The following TTC39B variants were observed in gnomAD, a reference collection of about 807,000 sequenced individuals.
TTC39B encodes tetratricopeptide repeat domain 39B, also known as tetratricopeptide repeat protein 39B.
Under a neutral mutation model 96.6 loss-of-function variants are expected in TTC39B, and 92 were observed. The ratio of observed to expected loss-of-function variants is 0.95; its 90% CI spans 0.80 to 1.13. The LOEUF is 1.13. Ranked by LOEUF, TTC39B falls within the 50% of genes most tolerant of loss-of-function variation. TTC39B has a pLI of 0.00. For missense variants in TTC39B, 955 were observed against 809.3 expected (o/e 1.18, Z -2.18); for synonymous variants, 367 against 299.4 (o/e 1.23, Z -2.33).
chr9:15,192,913 C>T (rs759070412), intron 8 of TTC39B, among the ~76,000 whole-genome samples: 3 of 152,108 alleles, frequency 2.0e-5, no homozygotes, highest in Non-Finnish European at 1.5e-5. Context: ...TCTAGCAGGA[C>T]CAGTGTTTCT....
chr9:15,225,894 G>C, intron 3 of TTC39B, 23 bp downstream of exon 3: 1 of 1,606,650 alleles, frequency 6.2e-7, no homozygotes, highest in South Asian at 1.1e-5. Context: ...CTTCCCCCAG[G>C]AATGCCCACA....
chr9:15,194,266 C>T (rs921183769), intron 8 of TTC39B, among the ~76,000 whole-genome samples: 6 of 152,022 alleles, frequency 3.9e-5, no homozygotes, highest in African/African-American at 1.2e-4. Context: ...ATGTTTCCTG[C>T]TAGAATTCTT....
intron 2 of TTC39B, chr9:15,232,178 T>A (rs1025415033): frequency 6.6e-6 from 1 of 152,642 alleles, no homozygotes; most frequent in Admixed American, 6.5e-5. Context: ...ATCAAGTATA[T>A]ACCCATCTGC....
chr9:15,228,677 C>T (rs1247873948), intron 2 of TTC39B, among the ~76,000 whole-genome samples: 1 of 152,052 alleles, frequency 6.6e-6, no homozygotes, highest in Non-Finnish European at 1.5e-5. Flanking sequence ...ATAAGTTTCC[C>T]CCTCCCACTC....
In TTC39B at chr9:15,193,290, G is replaced by A. The variant is rs567587994; in HGVS notation, c.825-595C>T. The stretch of plus-strand genomic sequence containing the variant: ...CTTTCTATGTATTTCTCTCTTGCCT[G>A]TTCACATCATCTTCAAAAGGCAAAT... On this transcript the variant is annotated intron_variant, in intron 8 of 19. Coordinates refer to ENST00000512701, the Ensembl canonical transcript of TTC39B. Among the ~76,000 whole-genome samples the A allele has an allele frequency of 2.0e-5, 3 of 152,210 alleles. No homozygotes were observed. The South Asian group carries it at 6.2e-4, about 32-fold the overall frequency.
chr9:15,259,968 C>A (rs904275764), intron 2 of TTC39B, among the ~76,000 whole-genome samples: 1 of 152,128 alleles, frequency 6.6e-6, no homozygotes, highest in African/African-American at 2.4e-5. Flanking sequence ...TAAAAAGGCA[C>A]AGATTTCTTT....
At chr9:15,189,904 A>G in intron 11 of TTC39B, 112 bp from the exon 12 acceptor site, 1 of 710,034 alleles carries the variant, frequency 1.4e-6, no homozygotes, top group South Asian at 1.7e-5. Flanking sequence ...AAAAGATGAA[A>G]ACTATTATTT....
intron 9 of TTC39B, 116 bp downstream of exon 9, chr9:15,192,474 G>C: frequency 2.7e-6 from 2 of 742,616 alleles, no homozygotes; most frequent in African/African-American, 1.8e-5. Flanking sequence ...CACTCTAGCT[G>C]TTTGTCAACC....
At chr9:15,181,101 C>T (rs1044273061) in intron 17 of TTC39B, among the ~76,000 whole-genome samples, 2 of 152,132 alleles carry the variant, frequency 1.3e-5, no homozygotes, top group South Asian at 2.1e-4. Flanking sequence ...TATTTCCCCT[C>T]GAATTTTGCC....
rs866033227 is a variant in TTC39B at position 15,297,534 on chromosome 9, C to G, written c.240+9550G>C. 2.6e-5 allele frequency among the ~76,000 whole-genome samples: 4 copies of G among 152,136 alleles called. No individual in the cohort carries two copies. In the South Asian group the frequency reaches 6.2e-4, roughly 24 times the overall value. On this transcript the variant is annotated intron_variant, in intron 1 of 19. Transcript: ENST00000512701. ...GGAGCACAGGACACTTGAACCCTCT[C>G]TAGACTCTACCCTGCACTCCAGGTT...
exon 20 of TTC39B, chr9:15,167,174 C>G (rs1002217085): frequency 2.2e-5 from 3 of 136,446 alleles, no homozygotes; most frequent in African/African-American, 8.1e-5. Flanking sequence ...GTAGCTAGGA[C>G]TACAAGTGCA....
At chr9:15,194,477 G>GCA (rs146452526) in intron 8 of TTC39B, among the ~76,000 whole-genome samples, 2 of 151,928 alleles carry the variant, frequency 1.3e-5, no homozygotes, top group African/African-American at 4.8e-5. Flanking sequence ...CCATGTGTGT[G>GCA]CACACACACA....
chr9:15,172,026 G>A, exon 20 of TTC39B: 3 of 1,611,882 alleles, frequency 1.9e-6, no homozygotes, highest in South Asian at 1.1e-5. Flanking sequence ...TGATCAATCT[G>A]AGGAAGGTTT....
Position 15,204,978 on chromosome 9 carries a change from T to C in TTC39B, c.692-1088A>G, listed in dbSNP as rs553043311. Among the ~76,000 whole-genome samples, 8 of 152,342 alleles carry C rather than the reference T, an allele frequency of 5.3e-5. No individual in the cohort carries two copies. The East Asian group carries it at 1.5e-3, about 29-fold the overall frequency. On this transcript the variant is annotated intron_variant, in intron 6 of 19. Coordinates refer to ENST00000512701, the Ensembl canonical transcript of TTC39B. ...TACACAAGTCAGCAGATTCTTGCTC[T>C]ATCCATGGGATGCAAAGTGGCATGA...
chr9:15,250,247 T>C (rs1242310530), intron 2 of TTC39B: 2 of 1,093,442 alleles, frequency 1.8e-6, no homozygotes, highest in East Asian at 7.6e-5. Context: ...AGATTTTTTT[T>C]CCCCCAATCT....
intron 7 of TTC39B, among the ~76,000 whole-genome samples, chr9:15,200,840 A>T (rs548342528): frequency 1.3e-5 from 2 of 152,314 alleles, no homozygotes; most frequent in African/African-American, 4.8e-5. Context: ...CTCTACTAAA[A>T]ATTCAGAAAG....
chr9:15,278,523 C>G (rs986267423), intron 1 of TTC39B, among the ~76,000 whole-genome samples: 3 of 152,234 alleles, frequency 2.0e-5, no homozygotes, highest in Non-Finnish European at 4.4e-5. Context: ...AGTGCCAACT[C>G]TATCCAATCT....
intron 1 of TTC39B, among the ~76,000 whole-genome samples, chr9:15,279,834 G>A (rs113339424): frequency 0.044 from 6,621 of 151,752 alleles, 175 homozygotes; most frequent in South Asian, 0.074. Flanking sequence ...CTACAAACAG[G>A]GCCAAATTCC....
chr9:15,272,227 C>T lies in TTC39B; in HGVS notation c.241-4279G>A, dbSNP rs574124584. On this transcript the variant is annotated intron_variant, in intron 1 of 19. Coordinates refer to ENST00000512701, the Ensembl canonical transcript of TTC39B. ...AGCTATTCCACAGTCTCCCACCTGG[C>T]CCTCAGTAGTCACGCATGTATTCTT... is the stretch of plus-strand genomic sequence containing the variant. Among the ~76,000 whole-genome samples the T allele has an allele frequency of 1.7e-4, 26 of 152,284 alleles. No individual in the cohort carries two copies. The South Asian group carries it at 5.0e-3, about 29-fold the overall frequency.
Sources: gnomAD v4.1 joint callset for allele counts (sites outside exome capture counted in the v4.1 genomes callset) on GRCh38, gnomAD v4.1.1 for gene constraint, MANE v1.5 for transcripts, NCBI Gene and HGNC (gene_info 2026-07-23, HGNC 2026-07-21) for gene names.